The following TMEM135 variants were observed in gnomAD, a reference collection of about 807,000 sequenced individuals.
TMEM135 encodes peroxisomal membrane protein 52.
In TMEM135, 30 loss-of-function variants were observed where a neutral mutation model predicts 60.3. The ratio of observed to expected loss-of-function variants is 0.50; its 90% confidence interval spans 0.37 to 0.68. TMEM135 has a LOEUF of 0.68. Among genes scored for constraint, TMEM135 ranks in the 30% least tolerant of loss-of-function variants. The pLI, the probability that TMEM135 is intolerant of heterozygous loss-of-function variation, is 0.00. For missense variants in TMEM135, 468 were observed against 548.8 expected, an observed-to-expected ratio of 0.85 and a Z score of 1.47; for synonymous variants, 190 against 186.7, an observed-to-expected ratio of 1.02 and a Z score of -0.14.
At chr11:87,057,221 A>G (rs376500147) in intron 1 of TMEM135, among the ~76,000 whole-genome samples, 3 of 152,322 alleles carry the variant, frequency 2.0e-5, no homozygotes, top group East Asian at 3.9e-4. Flanking sequence ...CTCAACTTTT[A>G]TATAAAAATT....
intron 5 of TMEM135, among the ~76,000 whole-genome samples, chr11:87,166,020 C>G (rs1282186310): frequency 4.0e-5 from 6 of 151,038 alleles, no homozygotes; most frequent in African/African-American, 1.5e-4. Flanking sequence ...GACACATACA[C>G]TCTCCCAAGA....
chr11:87,207,133 C>T (rs1377621402), intron 5 of TMEM135, among the ~76,000 whole-genome samples: 7 of 152,022 alleles, frequency 4.6e-5, no homozygotes, highest in Non-Finnish European at 8.8e-5. Flanking sequence ...GAGAATAGGA[C>T]AAAAGATGGG....
rs950612153 is a variant in TMEM135 at position 87,099,005 on chromosome 11, T to G, written c.396+7610T>G. Among the ~76,000 whole-genome samples the G allele has an allele frequency of 3.2e-4, 49 of 152,130 alleles. 4 individuals carry two copies. Among genetic ancestry groups the G allele is most frequent in the Non-Finnish European group, 5.9e-5 (4 of 67,988 alleles). On this transcript the variant is annotated intron_variant, in intron 4 of 14. Transcript: ENST00000305494. ...GCCCAGCCAAATATCTTAAATTTTCTTAATGGCTTTGTTGTTGTGCTGCTT... is the reference window on the plus strand; with the variant it reads ...GCCCAGCCAAATATCTTAAATTTTCGTAATGGCTTTGTTGTTGTGCTGCTT...
chr11:87,233,588 CA>C (rs1940933888), intron 5 of TMEM135, among the ~76,000 whole-genome samples: 1 of 152,038 alleles, frequency 6.6e-6, no homozygotes, highest in African/African-American at 2.4e-5. Flanking sequence ...TAAATATGTA[CA>C]ATTTATATTA....
rs1341779837 is a variant in TMEM135, at chr11:87,302,392, A to C, written c.648A>C (p.Lys216Asn). The change falls in exon 8 of 15, where the codon AAA (lysine) becomes AAC (asparagine). Residue 216 changes from lysine (K) to asparagine (N), a missense_variant. Transcript: ENST00000305494. ...VEQKREQHEE[K>N]PGRMNMIGLV... The stretch of plus-strand genomic sequence containing the variant: ...AAAAGAGAGAGCAACATGAGGAAAA[A>C]CCCGGAAGAATGAATATGATTGGTC... 1 of 1,613,734 alleles carries C rather than the reference A, an allele frequency of 6.2e-7. No homozygotes were observed. Among genetic ancestry groups the C allele is most frequent in the African/African-American group, 1.3e-5 (1 of 74,868 alleles).
intron 6 of TMEM135, among the ~76,000 whole-genome samples, chr11:87,252,798 A>ATATGTGTGTGTGTGTGTGTGTG (rs1555124821): frequency 1.5e-5 from 2 of 134,216 alleles, no homozygotes; most frequent in Non-Finnish European, 1.6e-5. Flanking sequence ...TAAAATATAT[A>ATATGTGTGTGTGTGTGTGTGTG]TGTGTGTGTG....
chr11:87,091,914 C>G (rs763116267), intron 4 of TMEM135, among the ~76,000 whole-genome samples: 1 of 152,000 alleles, frequency 6.6e-6, no homozygotes, highest in African/African-American at 2.4e-5. Context: ...GTTTGATATT[C>G]TTTAAAGTAA....
chr11:87,258,093 A>G (rs975453063), intron 6 of TMEM135, among the ~76,000 whole-genome samples: 1 of 151,514 alleles, frequency 6.6e-6, no homozygotes, highest in Non-Finnish European at 1.5e-5. Context: ...ACTTGATTAT[A>G]TTTTCTGCAT....
At chr11:87,203,932 G>A (rs747979637) in intron 5 of TMEM135, among the ~76,000 whole-genome samples, 30 of 151,876 alleles carry the variant, frequency 2.0e-4, no homozygotes, top group Admixed American at 3.9e-4. Flanking sequence ...CTTATCGTTC[G>A]TTTTCCAAGT....
chr11:87,172,848 AAT>A (rs1939275520), intron 5 of TMEM135, among the ~76,000 whole-genome samples: 1 of 151,938 alleles, frequency 6.6e-6, no homozygotes. Context: ...TTTCATGAAG[AAT>A]ATTCGTGAAT....
chr11:87,176,874 A>G (rs1939382940), intron 5 of TMEM135, among the ~76,000 whole-genome samples: 1 of 152,182 alleles, frequency 6.6e-6, no homozygotes, highest in Non-Finnish European at 1.5e-5. Flanking sequence ...GGACAGTATC[A>G]AGAGGGAAAG....
intron 3 of TMEM135, among the ~76,000 whole-genome samples, chr11:87,079,282 A>G (rs1022547024): frequency 6.6e-6 from 1 of 152,230 alleles, no homozygotes; most frequent in Non-Finnish European, 1.5e-5. Context: ...CTGGAATTAC[A>G]GATGTGAGCC....
At chr11:87,057,962 A>G (rs139450285) in intron 1 of TMEM135, among the ~76,000 whole-genome samples, 89 of 152,328 alleles carry the variant, frequency 5.8e-4, no homozygotes, top group African/African-American at 1.8e-3. Context: ...GAAGAGGACA[A>G]TGGTGTAAGT....
At chr11:87,241,175 C>G (rs1043144185) in intron 6 of TMEM135, among the ~76,000 whole-genome samples, 9 of 152,052 alleles carry the variant, frequency 5.9e-5, no homozygotes, top group African/African-American at 1.9e-4. Flanking sequence ...GGACAACCTG[C>G]AAGTCTTGAG....
At chr11:87,147,511 G>T (rs372903916) in intron 4 of TMEM135, among the ~76,000 whole-genome samples, 1 of 151,340 alleles carries the variant, frequency 6.6e-6, no homozygotes, top group East Asian at 2.0e-4. Context: ...TACTGTTATT[G>T]TTATTTTTAT....
At chr11:87,279,483 G>C (rs1405548091) in intron 6 of TMEM135, among the ~76,000 whole-genome samples, 3 of 152,158 alleles carry the variant, frequency 2.0e-5, no homozygotes. Context: ...CATTTCTTGA[G>C]TGCTTAGTAC....
chr11:87,207,615 A>G (rs1297830879), intron 5 of TMEM135, among the ~76,000 whole-genome samples: 1 of 152,198 alleles, frequency 6.6e-6, no homozygotes, highest in African/African-American at 2.4e-5. Flanking sequence ...TTACTATTTC[A>G]TTAAGTTCTC....
chr11:87,195,221 CT>C lies in TMEM135; in HGVS notation c.462+37816del, dbSNP rs764419097. 4.6e-5 allele frequency among the ~76,000 whole-genome samples: 7 copies of C among 151,684 alleles called. No individual in the cohort carries two copies. The South Asian group carries it at 6.2e-4, about 13-fold the overall frequency. ...TCAAATGTCTTTCTTTCCTTCTCCC[CT>C]GTCTTCTTTTTCTTTTTTTAAAATA... is the stretch of plus-strand genomic sequence containing the variant. On this transcript the variant is annotated intron_variant, in intron 5 of 14. Transcript: ENST00000305494.
intron 6 of TMEM135, among the ~76,000 whole-genome samples, chr11:87,292,831 C>G (rs1942290073): frequency 6.6e-6 from 1 of 152,126 alleles, no homozygotes; most frequent in South Asian, 2.1e-4. Flanking sequence ...ACTGAACTTC[C>G]ATCATAATGA....
Sources: allele counts gnomAD v4.1 joint callset (sites outside exome capture counted in the v4.1 genomes callset), GRCh38; gene constraint gnomAD v4.1.1; transcripts MANE v1.5; gene names NCBI Gene and HGNC (gene_info 2026-07-23, HGNC 2026-07-21).